The following B3GAT2 variants were observed in gnomAD, a reference collection of about 807,000 sequenced individuals.
B3GAT2 encodes galactosylgalactosylxylosylprotein 3-beta-glucuronosyltransferase 2.
A neutral mutation model predicts 27.8 loss-of-function variants in B3GAT2; 26 were observed. The ratio of observed to expected loss-of-function variants is 0.93; its 90% CI spans 0.68 to 1.30. The LOEUF is 1.30. Among genes scored for constraint, B3GAT2 ranks in the 50% most tolerant of loss-of-function variants. The pLI is 0.00. For synonymous variants in B3GAT2, 218 were observed against 195.1 expected (o/e 1.12, Z -0.98); for missense variants, 458 against 459.0 (o/e 1.00, Z 0.02).
intron 1 of B3GAT2, among the ~76,000 whole-genome samples, chr6:70,935,372 T>C (rs938993056): frequency 6.6e-6 from 1 of 152,124 alleles, no homozygotes; most frequent in African/African-American, 2.4e-5. Context: ...GAGAATTGCT[T>C]GACCCAGGGA....
chr6:70,954,337 T>A (rs1348836641), intron 1 of B3GAT2, among the ~76,000 whole-genome samples: 22 of 152,194 alleles, frequency 1.4e-4, no homozygotes, highest in Non-Finnish European at 5.9e-5. Flanking sequence ...AGCTTATTTA[T>A]TCATTTGGAG....
chr6:70,951,498 C>G (rs936897386), intron 1 of B3GAT2, among the ~76,000 whole-genome samples: 2 of 151,950 alleles, frequency 1.3e-5, no homozygotes, highest in East Asian at 1.9e-4. Flanking sequence ...TGTCTATTCA[C>G]GAGACAGAAT....
At chr6:70,893,527 C>T (rs1057117584) in intron 2 of B3GAT2, among the ~76,000 whole-genome samples, 1 of 151,620 alleles carries the variant, frequency 6.6e-6, no homozygotes, top group Non-Finnish European at 1.5e-5. Flanking sequence ...CATTTTAGAA[C>T]GTGTGGTCCT....
chr6:70,941,164 CA>C (rs1179391532), intron 1 of B3GAT2, among the ~76,000 whole-genome samples: 2 of 152,088 alleles, frequency 1.3e-5, no homozygotes, highest in African/African-American at 4.8e-5. Flanking sequence ...TTGGGAAAGT[CA>C]AGTGCCTTTA....
chr6:70,875,578 G>C (rs1444738979), intron 2 of B3GAT2, among the ~76,000 whole-genome samples: 1 of 152,082 alleles, frequency 6.6e-6, no homozygotes, highest in African/African-American at 2.4e-5. Context: ...CTTTCCTACT[G>C]AGTAAACAGA....
At chr6:70,906,389 T>C (rs1772603249) in intron 1 of B3GAT2, among the ~76,000 whole-genome samples, 1 of 152,026 alleles carries the variant, frequency 6.6e-6, no homozygotes. Flanking sequence ...CAGACTGGAG[T>C]TCAGTGGCAT....
chr6:70,878,129 A>C (rs1246341407), intron 2 of B3GAT2, among the ~76,000 whole-genome samples: 1 of 152,220 alleles, frequency 6.6e-6, no homozygotes, highest in Admixed American at 6.5e-5. Flanking sequence ...AACACTTGAA[A>C]TAAAGGTATA....
chr6:70,955,828 C>G lies in B3GAT2; in HGVS notation c.591+11G>C, dbSNP rs762337236. The G allele has an allele frequency of 6.3e-7, 1 of 1,584,626 alleles. No homozygotes were observed. The highest frequency in any genetic ancestry group is 8.6e-7 in the Non-Finnish European group (1 of 1,166,924). On this transcript the variant is annotated intron_variant, in intron 1 of 3. Transcript: ENST00000230053. ...GCCCTCGCCCACCCAGCGGGGCAGG[C>G]TGGCCTTTACCTCCTGGAAGAGCTC...
chr6:70,909,385 A>G (rs2150037989), intron 1 of B3GAT2, among the ~76,000 whole-genome samples: 1 of 152,368 alleles, frequency 6.6e-6, no homozygotes, highest in African/African-American at 2.4e-5. Flanking sequence ...AAGGTGTATG[A>G]AAGCTACTGT....
intron 1 of B3GAT2, among the ~76,000 whole-genome samples, chr6:70,938,968 C>T (rs993167569): frequency 6.6e-6 from 1 of 151,768 alleles, no homozygotes; most frequent in East Asian, 1.9e-4. Context: ...AGGCAACCTA[C>T]AAAATGGGAG....
chr6:70,908,486 G>A (rs1430290887), intron 1 of B3GAT2, among the ~76,000 whole-genome samples: 1 of 151,928 alleles, frequency 6.6e-6, no homozygotes, highest in Non-Finnish European at 1.5e-5. Context: ...ATGAGAATTT[G>A]AATTTGAAAA....
chr6:70,951,229 T>G (rs1009382055), intron 1 of B3GAT2, among the ~76,000 whole-genome samples: 1 of 152,192 alleles, frequency 6.6e-6, no homozygotes, highest in African/African-American at 2.4e-5. Context: ...TACCACTACT[T>G]GAATACCACC....
Position 70,956,736 on chromosome 6 carries a change from C to T in B3GAT2, c.-307G>A. The stretch of plus-strand genomic sequence containing the variant: ...GCGCGCCGCCGGTCCCGGAGTTGTG[C>T]CGAGTGCGGGAAAGGCGCTGATCCC... On this transcript the variant is annotated 5_prime_UTR_variant, in exon 1 of 4. Transcript: ENST00000230053. 7.7e-7 allele frequency: 1 copy of T among 1,292,808 alleles called. No individual in the cohort carries two copies. Among genetic ancestry groups the T allele is most frequent in the South Asian group, 1.7e-5 (1 of 59,084 alleles). The allele number at this position is 1,292,808 out of a possible 1,614,324, so 80.1% of individuals were successfully genotyped here. A position where few individuals can be genotyped will look rare whatever the true frequency, so the allele number is the denominator to read the frequency against.
intron 1 of B3GAT2, among the ~76,000 whole-genome samples, chr6:70,941,084 C>T (rs934718823): frequency 6.6e-6 from 1 of 152,162 alleles, no homozygotes; most frequent in Non-Finnish European, 1.5e-5. Flanking sequence ...TCCCTGTAAT[C>T]ACCCTAGTAA....
At chr6:70,881,280 G>A (rs1772095306) in intron 2 of B3GAT2, among the ~76,000 whole-genome samples, 1 of 152,082 alleles carries the variant, frequency 6.6e-6, no homozygotes. Context: ...ACAGCTGCTG[G>A]CTCTTGTTTT....
chr6:70,926,590 A>G (rs145626427), intron 1 of B3GAT2, among the ~76,000 whole-genome samples: 3,060 of 152,356 alleles, frequency 0.02, 45 homozygotes, highest in Non-Finnish European at 0.031. Flanking sequence ...TTGAAGATCA[A>G]ATGAATGAAA....
At chr6:70,919,078 G>A (rs1352807315) in intron 1 of B3GAT2, among the ~76,000 whole-genome samples, 1 of 152,124 alleles carries the variant, frequency 6.6e-6, no homozygotes, top group Non-Finnish European at 1.5e-5. Flanking sequence ...GTATTTCTTG[G>A]AGGCTTTATT....
chr6:70,932,993 T>C (rs895128678), intron 1 of B3GAT2, among the ~76,000 whole-genome samples: 1 of 152,032 alleles, frequency 6.6e-6, no homozygotes, highest in Non-Finnish European at 1.5e-5. Context: ...AGAGTTGGGG[T>C]CTCATGATGT....
Position 70,931,663 on chromosome 6 carries a change from C to A in B3GAT2, c.591+24176G>T, listed in dbSNP as rs111826763. On this transcript the variant is annotated intron_variant, in intron 1 of 3. Coordinates refer to ENST00000230053, the MANE Select transcript of B3GAT2 (RefSeq NM_080742.3). ...TCCCATGCAAAAGGATGAAGTTGAACCCTTACCCAACACCACGTACAAAAG... is the reference window on the plus strand; with the variant it reads ...TCCCATGCAAAAGGATGAAGTTGAAACCTTACCCAACACCACGTACAAAAG... Among the ~76,000 whole-genome samples the A allele has an allele frequency of 1.6e-3, 246 of 152,190 alleles. 1 individual carries two copies. Among genetic ancestry groups the A allele is most frequent in the African/African-American group, 5.5e-3 (229 of 41,536 alleles).
Sources: allele counts gnomAD v4.1 joint callset (sites outside exome capture counted in the v4.1 genomes callset), GRCh38; gene constraint gnomAD v4.1.1; transcripts MANE v1.5; gene names NCBI Gene and HGNC (gene_info 2026-07-23, HGNC 2026-07-21).